The following CNTN4 variants were observed in gnomAD, a reference collection of about 807,000 sequenced individuals.
CNTN4 encodes the protein contactin 4, also known as contactin-4.
In CNTN4, 77 loss-of-function variants were observed where a neutral mutation model predicts 122.5. That is an observed-to-expected ratio of 0.63 (90% CI 0.52 to 0.76). The LOEUF (loss-of-function observed/expected upper bound fraction) is 0.76, where lower values mean the gene tolerates loss of function less well. Among genes scored for constraint, CNTN4 ranks in the 30% least tolerant of loss-of-function variants. CNTN4 has a pLI of 0.00. For synonymous variants in CNTN4, 512 were observed against 447.0 expected (o/e 1.15, Z -1.83); for missense variants, 1,256 against 1,259.1 (o/e 1.00, Z 0.04).
At chr3:2,775,787 A>C (rs2091291759) in intron 6 of CNTN4, among the ~76,000 whole-genome samples, 1 of 152,162 alleles carries the variant, frequency 6.6e-6, no homozygotes, top group Non-Finnish European at 1.5e-5. Context: ...CTCTTTGATT[A>C]TCTATTTTTT....
chr3:3,038,786 C>T, intron 18 of CNTN4, 147 bp from the exon 19 acceptor site: 1 of 543,968 alleles, frequency 1.8e-6, no homozygotes, highest in Non-Finnish European at 3.2e-6. Flanking sequence ...GCCGTGGGCC[C>T]CTTGACAATG....
At chr3:2,896,688 G>A (rs574373746) in intron 10 of CNTN4, among the ~76,000 whole-genome samples, 55 of 152,280 alleles carry the variant, frequency 3.6e-4, no homozygotes, top group African/African-American at 1.2e-3. Context: ...TGATGATTCT[G>A]TCAATTGCAT....
chr3:2,462,701 T>A (rs1364958641), intron 3 of CNTN4, among the ~76,000 whole-genome samples: 1 of 152,164 alleles, frequency 6.6e-6, no homozygotes, highest in African/African-American at 2.4e-5. Context: ...CACAAGAGTT[T>A]CCAAGTATAA....
intron 5 of CNTN4, among the ~76,000 whole-genome samples, chr3:2,739,686 G>T (rs1273237839): frequency 6.6e-6 from 1 of 152,108 alleles, no homozygotes; most frequent in East Asian, 1.9e-4. Context: ...CAGATCAAAA[G>T]GAGAAAAACA....
At chr3:2,390,627 C>A (rs2046409405) in intron 3 of CNTN4, among the ~76,000 whole-genome samples, 1 of 152,050 alleles carries the variant, frequency 6.6e-6, no homozygotes, top group Non-Finnish European at 1.5e-5. Context: ...GAATAACATA[C>A]AGGTTAAATA....
chr3:2,941,043 G>A (rs2094610306), intron 13 of CNTN4, among the ~76,000 whole-genome samples: 1 of 152,128 alleles, frequency 6.6e-6, no homozygotes, highest in South Asian at 2.1e-4. Flanking sequence ...GAGGTTGACT[G>A]CTCTTAATAT....
chr3:2,815,750 A>T (rs529084098), intron 6 of CNTN4, among the ~76,000 whole-genome samples: 1 of 152,258 alleles, frequency 6.6e-6, no homozygotes, highest in South Asian at 2.1e-4. Context: ...CCCAGAGGAA[A>T]AGAAGTCATT....
In CNTN4 at chr3:2,152,708, C is replaced by T. The variant is rs2729017; in HGVS notation, c.-145+52069C>T. Among the ~76,000 whole-genome samples the T allele has an allele frequency of 4.1e-4, 62 of 152,092 alleles. No individual in the cohort carries two copies. In the East Asian group the frequency reaches 0.011, roughly 26 times the overall value. On this transcript the variant is annotated intron_variant, in intron 2 of 24. Transcript: ENST00000418658. ...GCTGTGTAAAGCAGGAGACACCCAC[C>T]GTTCCCAGGGCGTAGTTCTGTATCT...
chr3:2,259,382 G>C (rs1575194259), intron 2 of CNTN4, among the ~76,000 whole-genome samples: 1 of 152,094 alleles, frequency 6.6e-6, no homozygotes, highest in East Asian at 1.9e-4. Flanking sequence ...TACATGATGG[G>C]GAAACTAATC....
At chr3:2,132,046 G>T (rs2034475987) in intron 2 of CNTN4, among the ~76,000 whole-genome samples, 1 of 152,108 alleles carries the variant, frequency 6.6e-6, no homozygotes, top group African/African-American at 2.4e-5. Flanking sequence ...CATAACTTCT[G>T]TGGCCAAGTC....
intron 4 of CNTN4, among the ~76,000 whole-genome samples, chr3:2,688,707 T>C (rs2085567239): frequency 6.6e-6 from 1 of 152,174 alleles, no homozygotes; most frequent in Admixed American, 6.5e-5. Context: ...AGTTACCAGC[T>C]GAATATTTTT....
Position 2,736,770 on chromosome 3 carries a change from TTTTATTTATTTA to T in CNTN4, c.182+458_182+469del, listed in dbSNP as rs563317741. On this transcript the variant is annotated intron_variant, in intron 5 of 24. Coordinates refer to ENST00000418658, the MANE Select transcript of CNTN4 (RefSeq NM_175607.3). Reference sequence around the variant, plus strand: ...GAGCCACCACACCCGGACCAAGAGCTTTTATTTATTTATTTATTTATTTATTTATTTATTTAT... The same window carrying T: ...GAGCCACCACACCCGGACCAAGAGCTTTTATTTATTTATTTATTTATTTAT... Among the ~76,000 whole-genome samples the T allele has an allele frequency of 6.3e-3, 869 of 137,422 alleles. 6 individuals are homozygous for T. The highest frequency in any genetic ancestry group is 0.018 in the African/African-American group (697 of 37,894). The allele number at this position is 137,422 out of a possible 152,430, so 90.2% of individuals were successfully genotyped here. A position where few individuals can be genotyped will look rare whatever the true frequency, so the allele number is the denominator to read the frequency against.
At chr3:2,235,667 T>C (rs1278769670) in intron 2 of CNTN4, among the ~76,000 whole-genome samples, 2 of 152,192 alleles carry the variant, frequency 1.3e-5, no homozygotes, top group Non-Finnish European at 2.9e-5. Flanking sequence ...GAGAACTAGA[T>C]TTCAGTAAAA....
chr3:2,199,232 C>T (rs2037982662), intron 2 of CNTN4, among the ~76,000 whole-genome samples: 1 of 152,152 alleles, frequency 6.6e-6, no homozygotes, highest in Non-Finnish European at 1.5e-5. Flanking sequence ...TAACCTCCTG[C>T]ATGAAGGATT....
At chr3:3,033,676 G>C (rs995173102) in intron 16 of CNTN4, among the ~76,000 whole-genome samples, 1 of 152,140 alleles carries the variant, frequency 6.6e-6, no homozygotes, top group Non-Finnish European at 1.5e-5. Flanking sequence ...CTCCTGAGGT[G>C]GTCAATTGTA....
intron 3 of CNTN4, among the ~76,000 whole-genome samples, chr3:2,370,400 C>CA (rs1234818832): frequency 6.6e-6 from 1 of 151,852 alleles, no homozygotes; most frequent in African/African-American, 2.4e-5. Flanking sequence ...AAATGATTTA[C>CA]AAAAAAACTG....
chr3:2,282,439 T>C (rs17029519), intron 2 of CNTN4, among the ~76,000 whole-genome samples: 2,814 of 152,266 alleles, frequency 0.018, 91 homozygotes, highest in African/African-American at 0.064. Context: ...CATCTGTGTT[T>C]TAACATGCTC....
At chr3:2,756,993 C>T (rs1199091188) in intron 6 of CNTN4, among the ~76,000 whole-genome samples, 1 of 152,050 alleles carries the variant, frequency 6.6e-6, no homozygotes, top group Non-Finnish European at 1.5e-5. Context: ...TCATTTCTTT[C>T]CTGACCACTT....
At chr3:2,268,107 T>C (rs1025751165) in intron 2 of CNTN4, among the ~76,000 whole-genome samples, 1 of 152,142 alleles carries the variant, frequency 6.6e-6, no homozygotes, top group African/African-American at 2.4e-5. Flanking sequence ...ATTTACTATC[T>C]GCTCAATATA....
Sources: gnomAD v4.1 joint callset for allele counts (sites outside exome capture counted in the v4.1 genomes callset) on GRCh38, gnomAD v4.1.1 for gene constraint, MANE v1.5 for transcripts, NCBI Gene and HGNC (gene_info 2026-07-23, HGNC 2026-07-21) for gene names.